The following KCNQ5 variants were observed in gnomAD, a reference collection of about 807,000 sequenced individuals.
KCNQ5 encodes the protein potassium voltage-gated channel subfamily KQT member 5.
Under a neutral mutation model 98.2 loss-of-function variants are expected in KCNQ5, and 30 were observed. The ratio of observed to expected loss-of-function variants is 0.31; its 90% CI spans 0.23 to 0.41. KCNQ5 has a LOEUF of 0.41. Ranked by LOEUF, KCNQ5 falls within the 10% of genes least tolerant of loss-of-function variation. The pLI is 1.00. For missense variants in KCNQ5, 835 were observed against 1,182.5 expected (o/e 0.71, Z 4.31); for synonymous variants, 458 against 449.4 (o/e 1.02, Z -0.24).
At chr6:73,026,506 T>A (rs1435889587) in intron 2 of KCNQ5, among the ~76,000 whole-genome samples, 1 of 152,146 alleles carries the variant, frequency 6.6e-6, no homozygotes, top group Non-Finnish European at 1.5e-5. Context: ...CTGGAAACCT[T>A]CCATCTCTTC....
chr6:72,841,048 G>A (rs908425879), intron 1 of KCNQ5, among the ~76,000 whole-genome samples: 1 of 152,132 alleles, frequency 6.6e-6, no homozygotes, highest in Non-Finnish European at 1.5e-5. Context: ...CATGTTCTGA[G>A]TAATTCATTA....
At position 73,177,778 on chromosome 6, in the gene KCNQ5, C is replaced by A. The variant is rs544129323; in HGVS notation, c.1577+7924C>A. 3.3e-5 allele frequency among the ~76,000 whole-genome samples: 5 copies of A among 152,124 alleles called. No individual in the cohort carries two copies. The East Asian group carries it at 9.6e-4, about 29-fold the overall frequency. On this transcript the variant is annotated intron_variant, in intron 11 of 13. Coordinates refer to ENST00000370398, the MANE Select transcript of KCNQ5 (RefSeq NM_019842.4). ...ATCTATGACATGTTACAGTAAAGGA[C>A]GCTGCTAAAGAACATTTTATGGATC...
intron 1 of KCNQ5, among the ~76,000 whole-genome samples, chr6:72,793,031 C>G (rs894026497): frequency 6.6e-6 from 1 of 152,150 alleles, no homozygotes; most frequent in African/African-American, 2.4e-5. Flanking sequence ...CAGATTGTTA[C>G]AACGTCTGAG....
intron 1 of KCNQ5, among the ~76,000 whole-genome samples, chr6:72,933,268 A>G (rs1468103251): frequency 6.6e-6 from 1 of 152,230 alleles, no homozygotes; most frequent in East Asian, 1.9e-4. Context: ...ATAACTATAG[A>G]TAAGAGCCAA....
intron 12 of KCNQ5, 45 bp downstream of exon 12, chr6:73,190,749 A>T: frequency 7.2e-7 from 1 of 1,385,472 alleles, no homozygotes; most frequent in South Asian, 1.7e-5. Context: ...TGGGCATAGA[A>T]CCTATCTAGG....
At chr6:73,109,554 C>T (rs1775142316) in intron 6 of KCNQ5, among the ~76,000 whole-genome samples, 2 of 152,230 alleles carry the variant, frequency 1.3e-5, no homozygotes, top group South Asian at 4.2e-4. Context: ...CCTAAATGAT[C>T]TTACACAGCA....
At chr6:73,169,167 C>T (rs928991057) in intron 10 of KCNQ5, among the ~76,000 whole-genome samples, 4 of 143,326 alleles carry the variant, frequency 2.8e-5, no homozygotes, top group African/African-American at 8.1e-5. Flanking sequence ...CCTTGGTTTA[C>T]GAAAAACTGA....
intron 1 of KCNQ5, among the ~76,000 whole-genome samples, chr6:72,761,046 T>G (rs1309557760): frequency 6.6e-6 from 1 of 152,250 alleles, no homozygotes; most frequent in South Asian, 2.1e-4. Flanking sequence ...CTTATTTGGA[T>G]GTATGTGTCA....
chr6:73,028,014 T>C (rs1770967358), intron 2 of KCNQ5, among the ~76,000 whole-genome samples: 1 of 152,218 alleles, frequency 6.6e-6, no homozygotes, highest in African/African-American at 2.4e-5. Flanking sequence ...CTCTAGATAC[T>C]CTTTATTATG....
At chr6:73,146,881 TATAAAAATCC>T (rs899455811) in intron 10 of KCNQ5, among the ~76,000 whole-genome samples, 31 of 152,306 alleles carry the variant, frequency 2.0e-4, no homozygotes, top group African/African-American at 7.5e-4. Flanking sequence ...CTATTGAAAC[TATAAAAATCC>T]ATAAAAATTG....
At position 72,667,461 on chromosome 6, in the gene KCNQ5, TA is replaced by T. The variant is rs1766881499; in HGVS notation, c.398+44877del. 3.9e-5 allele frequency among the ~76,000 whole-genome samples: 6 copies of T among 152,272 alleles called. No individual in the cohort carries two copies. The South Asian group carries it at 1.2e-3, about 32-fold the overall frequency. On this transcript the variant is annotated intron_variant, in intron 1 of 13. Transcript: ENST00000370398. ...AAGAAAATTGAAAATCACCATTAGA[TA>T]AATATTATAGAAATAGTTATTGATA...
At chr6:72,738,409 A>G (rs1237207897) in intron 1 of KCNQ5, among the ~76,000 whole-genome samples, 1 of 152,014 alleles carries the variant, frequency 6.6e-6, no homozygotes, top group Non-Finnish European at 1.5e-5. Flanking sequence ...ATTACTATAA[A>G]TATATTAAAA....
intron 1 of KCNQ5, among the ~76,000 whole-genome samples, chr6:72,912,510 C>T (rs927715503): frequency 6.6e-6 from 1 of 152,120 alleles, no homozygotes; most frequent in Non-Finnish European, 1.5e-5. Context: ...GCAAAATGCT[C>T]AGGCTTTGTT....
At position 72,853,703 on chromosome 6, in the gene KCNQ5, A is replaced by G. The variant is rs550663851; in HGVS notation, c.399-150205A>G. 6.6e-5 allele frequency among the ~76,000 whole-genome samples: 10 copies of G among 152,338 alleles called. No individual in the cohort carries two copies. In the East Asian group the frequency reaches 1.9e-3, roughly 29 times the overall value. On this transcript the variant is annotated intron_variant, in intron 1 of 13. Transcript: ENST00000370398. Reference sequence around the variant, plus strand: ...GATTGTCCTGCATCCAACAGCAGGAATGAAGCTTAACAGGCACTGAAGGGA... The same window carrying G: ...GATTGTCCTGCATCCAACAGCAGGAGTGAAGCTTAACAGGCACTGAAGGGA...
chr6:73,129,132 T>C (rs950034069), intron 9 of KCNQ5, among the ~76,000 whole-genome samples: 1 of 152,266 alleles, frequency 6.6e-6, no homozygotes, highest in African/African-American at 2.4e-5. Flanking sequence ...TGTGTCCTTA[T>C]TGGCAAAATG....
intron 1 of KCNQ5, among the ~76,000 whole-genome samples, chr6:72,695,641 G>T (rs968760721): frequency 2.0e-5 from 3 of 151,918 alleles, no homozygotes; most frequent in Non-Finnish European, 4.4e-5. Flanking sequence ...ATAATATTAC[G>T]TATATTGGAT....
At chr6:73,045,175 A>G (rs981991281) in intron 3 of KCNQ5, among the ~76,000 whole-genome samples, 3 of 152,210 alleles carry the variant, frequency 2.0e-5, no homozygotes, top group African/African-American at 4.8e-5. Flanking sequence ...TCTAGCCAAA[A>G]CCAAGAGCAT....
chr6:72,870,220 G>A (rs1020121047), intron 1 of KCNQ5, among the ~76,000 whole-genome samples: 1 of 151,924 alleles, frequency 6.6e-6, no homozygotes, highest in African/African-American at 2.4e-5. Context: ...CCTGCTCCTT[G>A]GCTCCTTGGC....
At chr6:72,816,155 G>A (rs139361337) in intron 1 of KCNQ5, among the ~76,000 whole-genome samples, 192 of 152,298 alleles carry the variant, frequency 1.3e-3, no homozygotes, top group Non-Finnish European at 2.4e-3. Context: ...GGAAAGTCCA[G>A]ACAAGAATTT....
Sources: allele counts gnomAD v4.1 joint callset (sites outside exome capture counted in the v4.1 genomes callset), GRCh38; gene constraint gnomAD v4.1.1; transcripts MANE v1.5; gene names NCBI Gene and HGNC (gene_info 2026-07-23, HGNC 2026-07-21).